The following PTPRG variants were observed in gnomAD, a reference collection of about 807,000 sequenced individuals.
PTPRG encodes the protein receptor-type tyrosine-protein phosphatase gamma.
A neutral mutation model predicts 165.3 loss-of-function variants in PTPRG; 102 were observed. The ratio of observed to expected loss-of-function variants is 0.62; its 90% CI spans 0.53 to 0.73. The LOEUF (loss-of-function observed/expected upper bound fraction) is 0.73, where lower values mean the gene tolerates loss of function less well. PTPRG is among the 30% of genes least tolerant of loss of function. The probability of loss-of-function intolerance (pLI) is 0.00; values close to 1 mark genes in which losing one functional copy is unlikely to be tolerated. For synonymous variants in PTPRG, 675 were observed against 669.5 expected, an observed-to-expected ratio of 1.01 and a Z score of -0.13; for missense variants, 1,866 against 1,861.4, an observed-to-expected ratio of 1.00 and a Z score of -0.05.
intron 5 of PTPRG, among the ~76,000 whole-genome samples, chr3:62,110,062 G>GCT (rs1271887112): frequency 1.4e-5 from 2 of 138,554 alleles, no homozygotes; most frequent in African/African-American, 2.7e-5. Flanking sequence ...TTGTTCAGTA[G>GCT]CTCTCTCTCT....
At chr3:61,699,001 C>G (rs2030779075) in intron 1 of PTPRG, among the ~76,000 whole-genome samples, 1 of 151,878 alleles carries the variant, frequency 6.6e-6, no homozygotes, top group Admixed American at 6.6e-5. Context: ...AGGGGAACAT[C>G]ACACACCAGG....
intron 5 of PTPRG, among the ~76,000 whole-genome samples, chr3:62,093,699 G>A (rs1287160272): frequency 1.3e-5 from 2 of 152,194 alleles, no homozygotes; most frequent in Non-Finnish European, 2.9e-5. Context: ...TTGGCCCATG[G>A]ACCTGCATAT....
At chr3:62,091,327 A>G (rs1366077078) in intron 5 of PTPRG, among the ~76,000 whole-genome samples, 2 of 152,214 alleles carry the variant, frequency 1.3e-5, no homozygotes, top group African/African-American at 4.8e-5. Context: ...CCAAATTCAA[A>G]TTTCCTCAAG....
intron 26 of PTPRG, among the ~76,000 whole-genome samples, chr3:62,278,707 T>C (rs917556341): frequency 6.6e-6 from 1 of 152,048 alleles, no homozygotes; most frequent in African/African-American, 2.4e-5. Context: ...TGCTCCAGCT[T>C]CAGGATACCA....
intron 2 of PTPRG, among the ~76,000 whole-genome samples, chr3:61,928,426 T>G (rs1199120526): frequency 6.6e-6 from 1 of 152,236 alleles, no homozygotes; most frequent in Non-Finnish European, 1.5e-5. Flanking sequence ...TCCATTTTTT[T>G]AATCCCCTAC....
rs376270937 is a variant in PTPRG, at chr3:61,877,011, C to T, written c.191-112614C>T. On this transcript the variant is annotated intron_variant, in intron 2 of 29. Coordinates refer to ENST00000474889, the MANE Select transcript of PTPRG (RefSeq NM_002841.4). ...CTTTTTTTTTTGACATTAAGAAATA[C>T]CGCCTGTAATTCAGGCTTACATTTT... 6.4e-4 allele frequency among the ~76,000 whole-genome samples: 98 copies of T among 152,060 alleles called. 2 individuals are homozygous for T. The highest frequency in any genetic ancestry group is 2.2e-3 in the African/African-American group (93 of 41,466).
chr3:61,820,603 GTTTTTTTTTTTTTTTT>G (rs11329820), intron 2 of PTPRG, among the ~76,000 whole-genome samples: 1 of 65,730 alleles, frequency 1.5e-5, no homozygotes, highest in African/African-American at 6.5e-5. Context: ...CTGTGTCTCT[GTTTTTTTTTTTTTTTT>G]TTTTTTTTTT....
At chr3:61,959,889 T>C (rs1022454608) in intron 2 of PTPRG, among the ~76,000 whole-genome samples, 3 of 152,146 alleles carry the variant, frequency 2.0e-5, no homozygotes, top group Non-Finnish European at 4.4e-5. Context: ...GCATTCATTT[T>C]ACATCTGCTT....
chr3:62,162,750 C>G (rs950511613), intron 7 of PTPRG, among the ~76,000 whole-genome samples: 7 of 152,242 alleles, frequency 4.6e-5, no homozygotes, highest in Non-Finnish European at 1.0e-4. Flanking sequence ...CATTTCTCCA[C>G]TGCAGTGTGG....
intron 4 of PTPRG, among the ~76,000 whole-genome samples, chr3:62,030,479 A>T (rs1559756339): frequency 6.6e-6 from 1 of 152,130 alleles, no homozygotes; most frequent in African/African-American, 2.4e-5. Context: ...CATTCTATGG[A>T]CTTATTGTAG....
At chr3:61,681,107 C>G (rs946350454) in intron 1 of PTPRG, among the ~76,000 whole-genome samples, 12 of 150,012 alleles carry the variant, frequency 8.0e-5, no homozygotes, top group Admixed American at 2.0e-4. Flanking sequence ...TCCAAACTTC[C>G]CTGGAGCCAT....
At chr3:61,971,258 T>A (rs963683774) in intron 2 of PTPRG, among the ~76,000 whole-genome samples, 11 of 152,152 alleles carry the variant, frequency 7.2e-5, no homozygotes, top group African/African-American at 2.7e-4. Context: ...TTTCACCATG[T>A]TGGCCAAGGT....
At chr3:61,770,509 A>G (rs1379713312) in intron 2 of PTPRG, 1 of 152,216 alleles carries the variant, frequency 6.6e-6, no homozygotes, top group Non-Finnish European at 1.5e-5. Flanking sequence ...TAATATATAC[A>G]CAAGTGTATA....
Position 62,250,933 on chromosome 3 carries a change from G to A in PTPRG, c.2468-4191G>A, listed in dbSNP as rs1701397924. Among the ~76,000 whole-genome samples the A allele has an allele frequency of 2.6e-5, 4 of 152,212 alleles. No individual in the cohort carries two copies. The South Asian group carries it at 8.3e-4, about 32-fold the overall frequency. Reference sequence around the variant, plus strand: ...TCTAACCACAAAAAGCTAAAATCTGGGAACTTACTTAAGGGTAAATAATAA... The same window carrying A: ...TCTAACCACAAAAAGCTAAAATCTGAGAACTTACTTAAGGGTAAATAATAA... On this transcript the variant is annotated intron_variant, in intron 15 of 29. Coordinates refer to ENST00000474889, the MANE Select transcript of PTPRG (RefSeq NM_002841.4).
intron 28 of PTPRG, among the ~76,000 whole-genome samples, chr3:62,287,567 T>G (rs1702715098): frequency 6.6e-6 from 1 of 151,938 alleles, no homozygotes; most frequent in African/African-American, 2.4e-5. Flanking sequence ...GAAACTAGAA[T>G]GTGGAAGTCA....
intron 1 of PTPRG, among the ~76,000 whole-genome samples, chr3:61,605,339 T>A (rs1414567536): frequency 6.6e-6 from 1 of 152,164 alleles, no homozygotes; most frequent in Non-Finnish European, 1.5e-5. Flanking sequence ...CACTGCAACC[T>A]CTGCCTCCCA....
intron 2 of PTPRG, among the ~76,000 whole-genome samples, chr3:61,855,698 G>A (rs1206534750): frequency 1.1e-4 from 13 of 116,258 alleles, no homozygotes; most frequent in African/African-American, 4.4e-4. Context: ...TTTAATTATA[G>A]TAATTTCTTA....
chr3:62,061,632 C>CTT (rs59972737), intron 4 of PTPRG, among the ~76,000 whole-genome samples: 4 of 142,422 alleles, frequency 2.8e-5, no homozygotes, highest in South Asian at 2.3e-4. Context: ...CTTTTCTTTT[C>CTT]TTTTTTTTTT....
At chr3:61,604,948 G>A (rs1256438850) in intron 1 of PTPRG, among the ~76,000 whole-genome samples, 1 of 152,282 alleles carries the variant, frequency 6.6e-6, no homozygotes, top group East Asian at 1.9e-4. Context: ...AAATGGAACT[G>A]GAGGGGAATA....
Sources: allele counts gnomAD v4.1 joint callset (sites outside exome capture counted in the v4.1 genomes callset), GRCh38; gene constraint gnomAD v4.1.1; transcripts MANE v1.5; gene names NCBI Gene and HGNC (gene_info 2026-07-23, HGNC 2026-07-21).